PDPR: variants seen among roughly 807,000 people sequenced by gnomAD.
PDPR encodes the protein pyruvate dehydrogenase phosphatase regulatory subunit, mitochondrial.
Under a neutral mutation model 102.2 loss-of-function variants are expected in PDPR, and 50 were observed. That is an observed-to-expected ratio of 0.49 (90% confidence interval 0.39 to 0.62). The LOEUF is 0.62. Ranked by LOEUF, PDPR falls within the 20% of genes least tolerant of loss-of-function variation. The pLI, the probability that PDPR is intolerant of heterozygous loss-of-function variation, is 0.00. For synonymous variants in PDPR, 259 were observed against 406.0 expected, an observed-to-expected ratio of 0.64 and a Z score of 4.35; for missense variants, 625 against 1,098.2, an observed-to-expected ratio of 0.57 and a Z score of 6.09.
chr16:70,153,335 C>A, intron 17 of PDPR, 56 bp from the exon 18 acceptor site: 1 of 1,541,968 alleles, frequency 6.5e-7, no homozygotes, highest in South Asian at 1.2e-5. Context: ...TCCAGACATG[C>A]TCCATGCTTA....
At chr16:70,127,985 T>C (rs1964145015) in intron 4 of PDPR, among the ~76,000 whole-genome samples, 1 of 152,062 alleles carries the variant, frequency 6.6e-6, no homozygotes, top group Non-Finnish European at 1.5e-5. Flanking sequence ...CCTCTAGTCA[T>C]TCACCTACGT....
At chr16:70,122,610 G>A (rs1402193815) in intron 3 of PDPR, among the ~76,000 whole-genome samples, 1 of 152,250 alleles carries the variant, frequency 6.6e-6, no homozygotes, top group African/African-American at 2.4e-5. Flanking sequence ...CTTGTAATGG[G>A]CCAGTGCCCT....
At chr16:70,155,043 T>A (rs1455389912) in intron 18 of PDPR, among the ~76,000 whole-genome samples, 1 of 152,138 alleles carries the variant, frequency 6.6e-6, no homozygotes, top group Admixed American at 6.5e-5. Flanking sequence ...AATATAAAAA[T>A]TAGCTGGGCA....
Position 70,157,123 on chromosome 16 carries a change from G to A in PDPR, c.*244G>A, listed in dbSNP as rs1340227470. The stretch of plus-strand genomic sequence containing the variant: ...TTCTTCCCTTCCCACCCCTCACTCA[G>A]CTTCTCGTGGTGGCAGGAGGTATGT... On this transcript the variant is annotated 3_prime_UTR_variant, in exon 19 of 19. Transcript: ENST00000288050. The A allele has an allele frequency of 2.9e-6, 2 of 699,684 alleles. No individual in the cohort carries two copies. The highest frequency in any genetic ancestry group is 3.0e-5 in the South Asian group (2 of 66,744). The allele number at this position is 699,684 out of a possible 1,614,324, so 43.3% of individuals were successfully genotyped here. A position where few individuals can be genotyped will look rare whatever the true frequency, so the allele number is the denominator to read the frequency against.
At chr16:70,122,854 T>TAC (rs71151173) in intron 3 of PDPR, among the ~76,000 whole-genome samples, 6,055 of 145,792 alleles carry the variant, frequency 0.042, 49 homozygotes, top group South Asian at 0.081. Flanking sequence ...TATACACACA[T>TAC]ACACACACAC....
rs576959546 is a variant in PDPR at position 70,136,201 on chromosome 16, G to T, written c.1005G>T (p.Leu335=). The change falls in exon 10 of 19, where the codon CTG becomes CTT. Residue 335 remains leucine, a synonymous_variant. Coordinates refer to ENST00000288050, the MANE Select transcript of PDPR (RefSeq NM_017990.5). ...TTTGTTGTCATTGCTCAGAGCCTCT[G>T]TTGAGTTCCCTTCTGAGGAGGATGC... ...LQEDWDHFEP[L]LSSLLRRMPE... 26 of 1,580,584 alleles carry T rather than the reference G, an allele frequency of 1.6e-5. No homozygotes were observed. The East Asian group carries it at 5.0e-4, about 30-fold the overall frequency.
At chr16:70,121,413 C>T (rs576413024) in intron 3 of PDPR, among the ~76,000 whole-genome samples, 4 of 151,490 alleles carry the variant, frequency 2.6e-5, no homozygotes, top group African/African-American at 7.3e-5. Context: ...CAATATTGGC[C>T]GGGCATGGTG....
At chr16:70,153,821 G>A (rs535448007) in intron 18 of PDPR, among the ~76,000 whole-genome samples, 332 of 152,114 alleles carry the variant, frequency 2.2e-3, no homozygotes, top group Non-Finnish European at 1.6e-3. Context: ...GAGGCGGGTG[G>A]ATCACCTGAG....
chr16:70,162,618 AGT>A (rs1967896897), downstream of PDPR: 1 of 152,648 alleles, frequency 6.6e-6, no homozygotes, highest in South Asian at 2.1e-4. Context: ...TGCAGAGGAG[AGT>A]GTGTACCTCC....
chr16:70,154,110 C>G (rs995941359), intron 18 of PDPR, among the ~76,000 whole-genome samples: 11 of 152,234 alleles, frequency 7.2e-5, no homozygotes, highest in Non-Finnish European at 1.5e-4. Flanking sequence ...GAGCCGAGAT[C>G]ACGCCACTGC....
chr16:70,156,956 C>A lies in PDPR; in HGVS notation c.*77C>A. ...GTCACCTTGGAGCTTCTCTTCCTTC[C>A]GCCTCTGTTCCTCTTCTGGAGCCTT... On this transcript the variant is annotated 3_prime_UTR_variant, in exon 19 of 19. Transcript: ENST00000288050. 6.5e-7 allele frequency: 1 copy of A among 1,540,552 alleles called. No individual in the cohort carries two copies.
chr16:70,131,868 G>A (rs1471631583), intron 8 of PDPR: 6 of 1,436,350 alleles, frequency 4.2e-6, no homozygotes, highest in East Asian at 3.7e-5. Context: ...GCTTGGCACA[G>A]TGGGAGTTAC....
rs772571444 is a variant in PDPR, at chr16:70,156,462, CT to C, written c.2236-10del. The stretch of plus-strand genomic sequence containing the variant: ...GTGTCGCTGGATGACTCGGCGTTTC[CT>C]TTCTTTCTTAGGGCATGGATTTCAT... On this transcript the variant is annotated splice_polypyrimidine_tract_variant and intron_variant, in intron 18 of 18. Coordinates refer to ENST00000288050, the MANE Select transcript of PDPR (RefSeq NM_017990.5). 3.7e-6 allele frequency: 6 copies of C among 1,611,988 alleles called. No individual in the cohort carries two copies. The highest frequency in any genetic ancestry group is 5.1e-6 in the Non-Finnish European group (6 of 1,178,464).
chr16:70,153,877 C>G (rs1299731201), intron 18 of PDPR, among the ~76,000 whole-genome samples: 1 of 152,216 alleles, frequency 6.6e-6, no homozygotes, highest in Admixed American at 6.5e-5. Flanking sequence ...AAACCCGTCT[C>G]TACTAAAAAT....
In PDPR at chr16:70,120,590, A is replaced by T; in HGVS notation, c.98A>T (p.Glu33Val). 6.2e-7 allele frequency: 1 copy of T among 1,613,992 alleles called. No homozygotes were observed. Among genetic ancestry groups the T allele is most frequent in the South Asian group, 1.1e-5 (1 of 91,092 alleles). ...GCAAGAAACAGCACGTCAGCTGCCGAGGCGCGTTCCATGGCCCTGCCCACC... is the reference window on the plus strand; with the variant it reads ...GCAAGAAACAGCACGTCAGCTGCCGTGGCGCGTTCCATGGCCCTGCCCACC... Reference protein sequence around the residue: ...SSARNSTSAAEARSMALPTQA... With the variant: ...SSARNSTSAAVARSMALPTQA... Residue 33 changes from glutamate to valine, a missense_variant, in exon 3 of 19, where the codon GAG (glutamate) becomes GTG (valine). Coordinates refer to ENST00000288050, the MANE Select transcript of PDPR (RefSeq NM_017990.5).
intron 18 of PDPR, among the ~76,000 whole-genome samples, chr16:70,155,800 G>GTTTTTTTT (rs1967098473): frequency 1.5e-5 from 2 of 137,268 alleles, no homozygotes; most frequent in African/African-American, 5.8e-5. Flanking sequence ...ATATAAAAAA[G>GTTTTTTTT]TCTTTTTTTT....
chr16:70,157,313 G>A lies in PDPR; in HGVS notation c.*434G>A. ...TGGAGCAGCCTATTAGTTCTGGTGG[G>A]GTTGCCGTGTGTCGGATGCAGCCCT... is the stretch of plus-strand genomic sequence containing the variant. On this transcript the variant is annotated 3_prime_UTR_variant, in exon 19 of 19. Transcript: ENST00000288050. 1 of 410,960 alleles carries A rather than the reference G, an allele frequency of 2.4e-6. No individual in the cohort carries two copies. Among genetic ancestry groups the A allele is most frequent in the African/African-American group, 2.1e-5 (1 of 48,336 alleles). The allele number at this position is 410,960 out of a possible 1,614,324, so 25.5% of individuals were successfully genotyped here. A position where few individuals can be genotyped will look rare whatever the true frequency, so the allele number is the denominator to read the frequency against.
downstream of PDPR, among the ~76,000 whole-genome samples, chr16:70,162,730 A>G (rs1967905064): frequency 6.6e-6 from 1 of 152,256 alleles, no homozygotes; most frequent in Non-Finnish European, 1.5e-5. Context: ...TGGGGGTAAA[A>G]GCTTCCCGCC....
intron 3 of PDPR, among the ~76,000 whole-genome samples, chr16:70,126,023 G>C (rs1047098537): frequency 8.5e-5 from 13 of 152,214 alleles, no homozygotes; most frequent in African/African-American, 3.1e-4. Flanking sequence ...ATTATGTGTT[G>C]GTAGGTTTGT....
Sources: allele counts gnomAD v4.1 joint callset (sites outside exome capture counted in the v4.1 genomes callset), GRCh38; gene constraint gnomAD v4.1.1; transcripts MANE v1.5; gene names NCBI Gene and HGNC (gene_info 2026-07-23, HGNC 2026-07-21).